Variants in IQANK1 observed in about 807,000 individuals in gnomAD.
IQANK1 encodes the protein IQ motif and ankyrin repeat containing 1.
In IQANK1, 30 loss-of-function variants were observed where a neutral mutation model predicts 22.6. The ratio of observed to expected loss-of-function variants is 1.33; its 90% CI spans 0.99 to 1.80. The LOEUF (loss-of-function observed/expected upper bound fraction) is 1.80. Ranked by LOEUF, IQANK1 falls within the 40% of genes most tolerant of loss-of-function variation. The probability of loss-of-function intolerance (pLI) is 0.00; values close to 1 mark genes in which losing one functional copy is unlikely to be tolerated. For missense variants in IQANK1, 275 were observed against 235.2 expected, an observed-to-expected ratio of 1.17 and a Z score of -1.11; for synonymous variants, 122 against 99.6, an observed-to-expected ratio of 1.23 and a Z score of -1.34.
At chr8:143,767,632 A>G (rs1016515421) in intron 3 of IQANK1, among the ~76,000 whole-genome samples, 1 of 152,008 alleles carries the variant, frequency 6.6e-6, no homozygotes, top group East Asian at 1.9e-4. Flanking sequence ...TTTTTCCAGG[A>G]TGCCATATTG....
Position 143,790,215 on chromosome 8 carries a change from G to A in IQANK1, c.1368G>A (p.Val456=). 1 of 1,232,154 alleles carries A rather than the reference G, an allele frequency of 8.1e-7. No homozygotes were observed. Among genetic ancestry groups the A allele is most frequent in the Non-Finnish European group, 1.0e-6 (1 of 988,012 alleles). The allele number at this position is 1,232,154 out of a possible 1,614,324, so 76.3% of individuals were successfully genotyped here. Reference sequence around the variant, plus strand: ...AGGATACCAACTATGTGGACACGGTGAACCCGGAGCCCCTGAGGCCGGAGA... The same window carrying A: ...AGGATACCAACTATGTGGACACGGTAAACCCGGAGCCCCTGAGGCCGGAGA... ...RYQDTNYVDT[V]NPEPLRPETM... Residue 456 remains valine, a synonymous_variant, in exon 13 of 14, where the codon GTG becomes GTA. Transcript: ENST00000527139.
At chr8:143,740,326 A>G (rs751379865) in intron 3 of IQANK1, among the ~76,000 whole-genome samples, 75 of 152,180 alleles carry the variant, frequency 4.9e-4, no homozygotes, top group Non-Finnish European at 8.7e-4. Context: ...GTGGCAGGAA[A>G]CGGGGCCCTG....
rs1209704714 is a variant in IQANK1, at chr8:143,790,250, T to A, written c.1403T>A (p.Leu468Gln). The A allele has an allele frequency of 1.4e-5, 17 of 1,232,044 alleles. No homozygotes were observed. In the African/African-American group the frequency reaches 2.2e-4, roughly 16 times the overall value. 76.3% of individuals were successfully genotyped at this position (1,232,044 alleles called of 1,614,324 possible). Residue 468 changes from leucine to glutamine, a missense_variant, in exon 13 of 14, where the codon CTG becomes CAG. Physicochemically the swap from Leu to Gln is moderately radical, Grantham distance 113. Transcript: ENST00000527139. ...PEPLRPETMW[L>Q]ALLGALRYGK... ...CCCCTGAGGCCGGAGACGATGTGGC[T>A]GGCTCTGCTGGGGGCTCTGCGGTGA...
intron 3 of IQANK1, among the ~76,000 whole-genome samples, chr8:143,756,199 C>A (rs953647274): frequency 6.6e-6 from 1 of 152,192 alleles, no homozygotes; most frequent in African/African-American, 2.4e-5. Flanking sequence ...GCATTAACTA[C>A]CACCAGGAAC....
chr8:143,775,112 TACAC>T (rs201929554), intron 7 of IQANK1, among the ~76,000 whole-genome samples: 2 of 151,640 alleles, frequency 1.3e-5, no homozygotes, highest in East Asian at 1.9e-4. Flanking sequence ...ATTGTAATGA[TACAC>T]ACACACACAC....
intron 3 of IQANK1, among the ~76,000 whole-genome samples, chr8:143,749,745 T>C (rs1819152214): frequency 6.7e-6 from 1 of 150,292 alleles, no homozygotes; most frequent in South Asian, 2.1e-4. Context: ...GTGTTTTTTG[T>C]GGAGATGGTG....
chr8:143,786,856 C>T (rs915539037), intron 7 of IQANK1, among the ~76,000 whole-genome samples: 1 of 152,084 alleles, frequency 6.6e-6, no homozygotes, highest in Non-Finnish European at 1.5e-5. Context: ...GGAGGACTGG[C>T]CAGTGTAAGA....
chr8:143,737,207 G>A (rs1818763824), intron 2 of IQANK1, among the ~76,000 whole-genome samples: 2 of 152,248 alleles, frequency 1.3e-5, no homozygotes, highest in Non-Finnish European at 2.9e-5. Flanking sequence ...CCAATAAACG[G>A]GGGGCAGGGC....
Position 143,735,050 on chromosome 8 carries a change from T to C in IQANK1, c.-4-800T>C, listed in dbSNP as rs1425640926. 6.6e-6 allele frequency among the ~76,000 whole-genome samples: 1 copy of C among 152,212 alleles called. No individual in the cohort carries two copies. The highest frequency in any genetic ancestry group is 1.5e-5 in the Non-Finnish European group (1 of 68,038). On this transcript the variant is annotated intron_variant, in intron 1 of 13. Transcript: ENST00000527139. This position sits in a 1 kb window ranked among gnomAD's most constrained non-coding sequence, Gnocchi z 5.2. ...TGATGGTCATCAGTCGCCTTTCTCT[T>C]TGTTCCTCTTGCCATGTGATCCTAT... is the stretch of plus-strand genomic sequence containing the variant.
chr8:143,761,360 G>A (rs1016017317), intron 3 of IQANK1, among the ~76,000 whole-genome samples: 52 of 152,240 alleles, frequency 3.4e-4, no homozygotes, highest in African/African-American at 1.2e-3. Flanking sequence ...CGATGCCTCC[G>A]ACTCAGACCC....
chr8:143,784,135 G>GT (rs1554631142), intron 7 of IQANK1, among the ~76,000 whole-genome samples: 1 of 151,724 alleles, frequency 6.6e-6, no homozygotes, highest in Non-Finnish European at 1.5e-5. Flanking sequence ...CTACATTTCT[G>GT]TATCAACCAG....
At chr8:143,740,630 C>T (rs1404630030) in intron 3 of IQANK1, among the ~76,000 whole-genome samples, 1 of 152,242 alleles carries the variant, frequency 6.6e-6, no homozygotes, top group African/African-American at 2.4e-5. Flanking sequence ...CCGACGGGGC[C>T]TCGCGGCCAC....
intron 3 of IQANK1, among the ~76,000 whole-genome samples, chr8:143,767,943 G>A (rs1819507604): frequency 7.5e-6 from 1 of 133,118 alleles, no homozygotes. Flanking sequence ...GAGTGCAGTG[G>A]CTCAATCTTG....
At chr8:143,748,592 GATAT>G (rs1444759000) in intron 3 of IQANK1, among the ~76,000 whole-genome samples, 2 of 109,000 alleles carry the variant, frequency 1.8e-5, no homozygotes, top group Non-Finnish European at 3.8e-5. Context: ...ATATAGATAT[GATAT>G]ATATCATATA....
chr8:143,770,128 G>A (rs1189643313), intron 3 of IQANK1, among the ~76,000 whole-genome samples: 5 of 152,136 alleles, frequency 3.3e-5, no homozygotes, highest in Admixed American at 3.3e-4. Flanking sequence ...CAGGAGAGCC[G>A]GACTTTCCTG....
At chr8:143,787,727 GC>G (rs1266522228) in intron 7 of IQANK1, among the ~76,000 whole-genome samples, 3 of 151,772 alleles carry the variant, frequency 2.0e-5, no homozygotes, top group South Asian at 2.1e-4. Flanking sequence ...CTGTGGGAAC[GC>G]CGGCGGCTCA....
intron 2 of IQANK1, chr8:143,739,599 C>T: frequency 2.5e-6 from 1 of 396,932 alleles, no homozygotes; most frequent in Non-Finnish European, 4.5e-6. Flanking sequence ...CATCCTTGGG[C>T]CCACAAGAGC....
chr8:143,748,110 T>C (rs1380823188), intron 3 of IQANK1, among the ~76,000 whole-genome samples: 1 of 151,902 alleles, frequency 6.6e-6, no homozygotes, highest in Non-Finnish European at 1.5e-5. Context: ...TTCTCCTGTC[T>C]CAGCCTCCCA....
chr8:143,745,000 G>A (rs891384889), intron 3 of IQANK1: 2 of 151,512 alleles, frequency 1.3e-5, no homozygotes, highest in Non-Finnish European at 2.9e-5. Flanking sequence ...TCCCGTCCTC[G>A]AAAAGCCTCT....
Sources: gnomAD v4.1 joint callset for allele counts (sites outside exome capture counted in the v4.1 genomes callset) on GRCh38, gnomAD v4.1.1 for gene constraint, Gnocchi (gnomAD v3.1) non-coding constraint, MANE v1.5 for transcripts, NCBI Gene and HGNC (gene_info 2026-07-23, HGNC 2026-07-21) for gene names.